Variants in FYB2 observed in about 807,000 individuals in gnomAD.
The protein encoded by FYB2 is FYN-binding protein 2.
FYB2 carries 103 observed loss-of-function variants against 94.1 expected under a neutral mutation model. The observed-to-expected ratio is 1.09, with a 90% CI of 0.93 to 1.29. The LOEUF (loss-of-function observed/expected upper bound fraction) is 1.29. FYB2 is among the 50% of genes most tolerant of loss of function. The pLI is 0.00. For missense variants in FYB2, 896 were observed against 841.5 expected (o/e 1.06, Z -0.80); for synonymous variants, 293 against 287.9 (o/e 1.02, Z -0.18).
chr1:56,822,725 T>C (rs916644465), upstream of FYB2, among the ~76,000 whole-genome samples: 3 of 139,342 alleles, frequency 2.2e-5, no homozygotes, highest in Non-Finnish European at 4.6e-5. Context: ...TAAGCAATGG[T>C]GTGAAACAGA....
upstream of FYB2, chr1:56,824,377 G>A (rs980847945): frequency 2.0e-5 from 3 of 152,114 alleles, no homozygotes; most frequent in African/African-American, 7.2e-5. Flanking sequence ...AGTTCTCTCT[G>A]GCTCTTTCAT....
chr1:56,753,936 CT>C lies in FYB2; in HGVS notation c.1131-2del, dbSNP rs1348788144. On this transcript the variant is annotated splice_acceptor_variant, in intron 7 of 19. Coordinates refer to ENST00000343433, the MANE Select transcript of FYB2 (RefSeq NM_001004303.5). LOFTEE classifies it high-confidence loss of function. ...CATTTTTTTATCTTCATGTTTAGCACTGAAATGTGAAGAGATACCAGGAAAA... is the reference window on the plus strand; with the variant it reads ...CATTTTTTTATCTTCATGTTTAGCACGAAATGTGAAGAGATACCAGGAAAA... The C allele has an allele frequency of 6.4e-7, 1 of 1,573,608 alleles. No individual in the cohort carries two copies.
chr1:56,747,003 T>A (rs1645082222), intron 9 of FYB2, among the ~76,000 whole-genome samples: 1 of 151,948 alleles, frequency 6.6e-6, no homozygotes, highest in Non-Finnish European at 1.5e-5. Context: ...AGAATTGAAT[T>A]TTCATAGTGT....
chr1:56,751,007 G>T, intron 9 of FYB2, 37 bp downstream of exon 9: 1 of 1,593,756 alleles, frequency 6.3e-7, no homozygotes, highest in Non-Finnish European at 8.6e-7. Flanking sequence ...AAAACAAATT[G>T]TAATGATGAA....
Position 56,803,416 on chromosome 1 carries a change from G to C in FYB2, c.10-10613C>G, listed in dbSNP as rs532814567. 2.0e-5 allele frequency among the ~76,000 whole-genome samples: 3 copies of C among 152,240 alleles called. No homozygotes were observed. In the East Asian group the frequency reaches 5.8e-4, roughly 29 times the overall value. On this transcript the variant is annotated intron_variant, in intron 1 of 19. Coordinates refer to ENST00000343433, the MANE Select transcript of FYB2 (RefSeq NM_001004303.5). ...TAACCACTTCCTCACATTTTCTTAA[G>C]AAGGAAGAAGAAAAAGCAAAACAAT... is the stretch of plus-strand genomic sequence containing the variant.
upstream of FYB2, chr1:56,819,418 GC>G: frequency 1.5e-6 from 2 of 1,353,652 alleles, no homozygotes; most frequent in Non-Finnish European, 2.1e-6. Context: ...ACACACCTGA[GC>G]CCAGGCTCCC....
chr1:56,782,692 T>C (rs1646036350), intron 4 of FYB2, among the ~76,000 whole-genome samples: 1 of 152,086 alleles, frequency 6.6e-6, no homozygotes, highest in African/African-American at 2.4e-5. Context: ...TTAAAGACTA[T>C]CATCAAAGTG....
intron 4 of FYB2, among the ~76,000 whole-genome samples, chr1:56,773,438 C>A (rs538578287): frequency 6.6e-6 from 1 of 152,114 alleles, no homozygotes; most frequent in Non-Finnish European, 1.5e-5. Flanking sequence ...TGTTAGACAC[C>A]GTGCATAGAT....
chr1:56,786,613 G>T (rs762055248), intron 4 of FYB2, among the ~76,000 whole-genome samples: 17 of 152,178 alleles, frequency 1.1e-4, no homozygotes, highest in Non-Finnish European at 2.1e-4. Context: ...AACTTTCTGA[G>T]CCCAAGTATC....
At chr1:56,818,284 C>A (rs1646930431) in intron 1 of FYB2, among the ~76,000 whole-genome samples, 2 of 152,048 alleles carry the variant, frequency 1.3e-5, no homozygotes, top group South Asian at 4.2e-4. Flanking sequence ...AGTGATTTGC[C>A]ACAGAGAGAA....
At chr1:56,724,513 C>T (rs1010230868) in intron 16 of FYB2, among the ~76,000 whole-genome samples, 20 of 151,994 alleles carry the variant, frequency 1.3e-4, no homozygotes, top group Admixed American at 6.6e-5. Flanking sequence ...CAGATTATCA[C>T]TACTTATTGC....
At chr1:56,753,288 A>G (rs1645244931) in intron 8 of FYB2, among the ~76,000 whole-genome samples, 1 of 152,094 alleles carries the variant, frequency 6.6e-6, no homozygotes, top group South Asian at 2.1e-4. Context: ...ACACACATTC[A>G]CCATATTTAA....
chr1:56,789,401 A>T (rs537100327), intron 2 of FYB2, among the ~76,000 whole-genome samples: 1 of 152,144 alleles, frequency 6.6e-6, no homozygotes, highest in Non-Finnish European at 1.5e-5. Context: ...TTGGCATATT[A>T]TATGTCTTGC....
intron 4 of FYB2, among the ~76,000 whole-genome samples, chr1:56,772,608 GAC>G (rs1347492810): frequency 6.6e-6 from 1 of 152,096 alleles, no homozygotes; most frequent in Non-Finnish European, 1.5e-5. Flanking sequence ...CAGGACTATA[GAC>G]ACTACTGGGA....
At chr1:56,805,560 T>G in intron 1 of FYB2, among the ~76,000 whole-genome samples, 1 of 152,242 alleles carries the variant, frequency 6.6e-6, no homozygotes, top group East Asian at 1.9e-4. Flanking sequence ...CCAGGACACA[T>G]AGCAAATGGG....
In FYB2 at chr1:56,736,438, T is replaced by TG. The variant is rs1426922194; in HGVS notation, c.1793+648_1793+649insC. Among the ~76,000 whole-genome samples the TG allele has an allele frequency of 1.4e-3, 203 of 150,240 alleles. 1 individual carries two copies. Among genetic ancestry groups the TG allele is most frequent in the African/African-American group, 4.5e-3 (184 of 40,652 alleles). On this transcript the variant is annotated intron_variant, in intron 15 of 19. Transcript: ENST00000343433. ...CTTAAGGATGGCTTTTTTTTTTTTT[T>TG]TTTTTGGAACAGAGCCTGTCTCCAT...
rs949952732 is a variant in FYB2, at chr1:56,731,657, C to A, written c.1794-5074G>T. ...TGCCCATCAATCAGACCACCAGGAACATGCCTGCAGTCAACAAAGTTGGGT... is the reference window on the plus strand; with the variant it reads ...TGCCCATCAATCAGACCACCAGGAAAATGCCTGCAGTCAACAAAGTTGGGT... On this transcript the variant is annotated intron_variant, in intron 15 of 19. Coordinates refer to ENST00000343433, the MANE Select transcript of FYB2 (RefSeq NM_001004303.5). 2.6e-5 allele frequency among the ~76,000 whole-genome samples: 4 copies of A among 152,106 alleles called. No homozygotes were observed. In the East Asian group the frequency reaches 7.7e-4, roughly 29 times the overall value.
intron 4 of FYB2, among the ~76,000 whole-genome samples, chr1:56,776,733 C>A (rs1297220536): frequency 6.6e-6 from 1 of 152,184 alleles, no homozygotes; most frequent in Non-Finnish European, 1.5e-5. Flanking sequence ...AAATAGGAGC[C>A]TGGTCTCCTG....
Position 56,740,695 on chromosome 1 carries a change from A to C in FYB2, c.1703+2T>G. 6.4e-7 allele frequency: 1 copy of C among 1,564,588 alleles called. No homozygotes were observed. Among genetic ancestry groups the C allele is most frequent in the Non-Finnish European group, 8.8e-7 (1 of 1,140,630 alleles). On this transcript the variant is annotated splice_donor_variant, in intron 13 of 19. Transcript: ENST00000343433. LOFTEE classifies it high-confidence loss of function. ...GGAAAGGGATTTAAAGGGACTTTTT[A>C]CCTTAAGTTTTCTTTCGACTTGGTT... is the stretch of plus-strand genomic sequence containing the variant.
Sources: gnomAD v4.1 joint callset for allele counts (sites outside exome capture counted in the v4.1 genomes callset) on GRCh38, gnomAD v4.1.1 for gene constraint, MANE v1.5 for transcripts, NCBI Gene and HGNC (gene_info 2026-07-23, HGNC 2026-07-21) for gene names.